Variants in MAPT observed in about 807,000 individuals in gnomAD.
MAPT encodes the protein microtubule associated protein tau.
Under a neutral mutation model 67.9 loss-of-function variants are expected in MAPT, and 34 were observed. That is an observed-to-expected ratio of 0.50 (90% CI 0.38 to 0.67). MAPT has a LOEUF of 0.67. MAPT is among the 30% of genes least tolerant of loss of function. The pLI is 0.00. For missense variants in MAPT, 881 were observed against 1,115.2 expected (o/e 0.79, Z 2.99); for synonymous variants, 456 against 464.5 (o/e 0.98, Z 0.23).
chr17:45,933,865 A>C (rs1237102350), intron 1 of MAPT, among the ~76,000 whole-genome samples: 1 of 113,362 alleles, frequency 8.8e-6, no homozygotes. Context: ...TTTTGCTGTT[A>C]CATTTACTTT....
intron 1 of MAPT, among the ~76,000 whole-genome samples, chr17:45,899,631 G>A (rs1260792504): frequency 6.6e-6 from 1 of 152,166 alleles, no homozygotes; most frequent in African/African-American, 2.4e-5. Flanking sequence ...ACCCAGATAT[G>A]ATCTATAACA....
intron 1 of MAPT, among the ~76,000 whole-genome samples, chr17:45,926,014 C>T (rs1480802804): frequency 6.6e-6 from 1 of 151,958 alleles, no homozygotes; most frequent in African/African-American, 2.4e-5. Flanking sequence ...AGTTCGAGAC[C>T]AGCCTGGCCA....
At chr17:45,909,586 A>G (rs1876675273) in intron 1 of MAPT, among the ~76,000 whole-genome samples, 1 of 152,004 alleles carries the variant, frequency 6.6e-6, no homozygotes, top group African/African-American at 2.4e-5. Flanking sequence ...AATACAAATA[A>G]TTAGGCTGGG....
chr17:45,935,964 A>G (rs2067282543), intron 1 of MAPT, among the ~76,000 whole-genome samples: 1 of 151,880 alleles, frequency 6.6e-6, no homozygotes, highest in Non-Finnish European at 1.5e-5. Flanking sequence ...CTCTCTTCTT[A>G]CCCATGGCCT....
At chr17:45,931,292 A>G (rs993802781) in intron 1 of MAPT, among the ~76,000 whole-genome samples, 2 of 152,226 alleles carry the variant, frequency 1.3e-5, no homozygotes, top group African/African-American at 4.8e-5. Context: ...ATAATCGTGT[A>G]ATGAAATGAC....
rs571374475 is a variant in MAPT at position 45,995,009 on chromosome 17, T to C, written c.1733-1390T>C. On this transcript the variant is annotated intron_variant, in intron 8 of 12. Transcript: ENST00000262410. The surrounding 1 kb of genome is among the most constrained non-coding windows in gnomAD (Gnocchi z 4.3). ...GTTGCAGTGAGCCGAGATCACGCCATTGCACTCCAGCCTGGGCATCAGAAT... is the reference window on the plus strand; with the variant it reads ...GTTGCAGTGAGCCGAGATCACGCCACTGCACTCCAGCCTGGGCATCAGAAT... Among the ~76,000 whole-genome samples, 54 of 152,056 alleles carry C rather than the reference T, an allele frequency of 3.6e-4. No homozygotes were observed. Among genetic ancestry groups the C allele is most frequent in the African/African-American group, 1.2e-3 (48 of 41,482 alleles).
At position 45,982,039 on chromosome 17, in the gene MAPT, AAAG is replaced by A. The variant is rs767790005; in HGVS notation, c.287-824_287-822del. Among the ~76,000 whole-genome samples the A allele has an allele frequency of 9.4e-3, 1,408 of 149,734 alleles. 32 individuals are homozygous for A. Among genetic ancestry groups the A allele is most frequent in the Non-Finnish European group, 0.017 (1,124 of 67,386 alleles). The stretch of plus-strand genomic sequence containing the variant: ...GTCTCAAAAAAAAAAAAAAAGAAAG[AAAG>A]AAAGGAAAAAAAAAACTCATGCCTG... On this transcript the variant is annotated intron_variant, in intron 4 of 12. Transcript: ENST00000262410.
At position 46,024,351 on chromosome 17, in the gene MAPT, G is replaced by C; in HGVS notation, c.*180G>C. 1.6e-6 allele frequency: 1 copy of C among 644,370 alleles called. No individual in the cohort carries two copies. The highest frequency in any genetic ancestry group is 2.7e-5 in the East Asian group (1 of 36,562). The allele number at this position is 644,370 out of a possible 1,614,324, so 39.9% of individuals were successfully genotyped here. A position where few individuals can be genotyped will look rare whatever the true frequency, so the allele number is the denominator to read the frequency against. ...TTTGGCTCGGGACTTCAAAATCAGT[G>C]ATGGGAGTAAGAGCAAATTTCATCT... On this transcript the variant is annotated 3_prime_UTR_variant, in exon 13 of 13. Transcript: ENST00000262410.
intron 1 of MAPT, among the ~76,000 whole-genome samples, chr17:45,925,777 A>G (rs2066226094): frequency 1.3e-5 from 2 of 152,364 alleles, no homozygotes; most frequent in Non-Finnish European, 2.9e-5. Context: ...AAAATGTACA[A>G]ACATATTCAT....
chr17:45,972,502 T>C (rs778512829), intron 3 of MAPT, among the ~76,000 whole-genome samples: 1 of 152,224 alleles, frequency 6.6e-6, no homozygotes, highest in African/African-American at 2.4e-5. Context: ...ATTTTGACCA[T>C]CTTCTCTTGC....
intron 1 of MAPT, among the ~76,000 whole-genome samples, chr17:45,944,948 C>T (rs2068334230): frequency 6.6e-6 from 1 of 152,220 alleles, no homozygotes; most frequent in East Asian, 1.9e-4. Context: ...AGCAAATCAC[C>T]TCTCGCCAGA....
intron 12 of MAPT, 106 bp from the exon 13 acceptor site, chr17:46,023,849 AC>A: frequency 2.2e-6 from 2 of 928,874 alleles, no homozygotes; most frequent in Non-Finnish European, 3.5e-6. Context: ...TCAAAAACAA[AC>A]AAAAAACAGT....
intron 3 of MAPT, chr17:45,973,824 G>A (rs2071996019): frequency 6.4e-6 from 1 of 155,516 alleles, no homozygotes; most frequent in South Asian, 2.0e-4. Flanking sequence ...CCTATTTATT[G>A]CCATGCAAGG....
chr17:46,003,755 G>A (rs565932221), intron 9 of MAPT, among the ~76,000 whole-genome samples: 251 of 152,248 alleles, frequency 1.6e-3, no homozygotes, highest in Non-Finnish European at 2.7e-3. Flanking sequence ...CACAGTAAGT[G>A]GGGGGCAGAG....
At chr17:45,901,871 A>G (rs1477661792) in intron 1 of MAPT, among the ~76,000 whole-genome samples, 1 of 149,840 alleles carries the variant, frequency 6.7e-6, no homozygotes, top group Non-Finnish European at 1.5e-5. Flanking sequence ...TTTTGGGTTT[A>G]CATTGTGGAG....
rs2063335064 is a variant in MAPT, at chr17:45,897,487, A to G, written c.-18+2801A>G. On this transcript the variant is annotated intron_variant, in intron 1 of 12. Coordinates refer to ENST00000262410, the MANE Select transcript of MAPT (RefSeq NM_001377265.1). The surrounding 1 kb of genome is among the most constrained non-coding windows in gnomAD (Gnocchi z 5.0). ...GGGACGGTCCTTCGTAGGAAACTCTATCCTGGCTCTGCGCGCGCTTTAAGG... is the reference window on the plus strand; with the variant it reads ...GGGACGGTCCTTCGTAGGAAACTCTGTCCTGGCTCTGCGCGCGCTTTAAGG... 6.6e-6 allele frequency: 1 copy of G among 152,178 alleles called. No homozygotes were observed. The highest frequency in any genetic ancestry group is 1.5e-5 in the Non-Finnish European group (1 of 68,048). The allele number at this position is 152,178 out of a possible 1,614,324, so 9.4% of individuals were successfully genotyped here.
At chr17:45,927,533 C>G (rs1222391568) in intron 1 of MAPT, among the ~76,000 whole-genome samples, 1 of 152,194 alleles carries the variant, frequency 6.6e-6, no homozygotes. Context: ...GATCCCATAT[C>G]TCCACCTCTC....
At chr17:45,961,762 G>A (rs2070436062) in intron 1 of MAPT, among the ~76,000 whole-genome samples, 2 of 149,620 alleles carry the variant, frequency 1.3e-5, no homozygotes, top group African/African-American at 4.9e-5. Flanking sequence ...CACCTGGTGG[G>A]TTTATTTGTT....
intron 6 of MAPT, among the ~76,000 whole-genome samples, chr17:45,987,600 C>T (rs1490841512): frequency 6.6e-6 from 1 of 152,218 alleles, no homozygotes; most frequent in Non-Finnish European, 1.5e-5. Context: ...GAAAATCCCA[C>T]CATGGCTCTA....
Sources: gnomAD v4.1 joint callset for allele counts (sites outside exome capture counted in the v4.1 genomes callset) on GRCh38, gnomAD v4.1.1 for gene constraint, Gnocchi (gnomAD v3.1) non-coding constraint, MANE v1.5 for transcripts, NCBI Gene and HGNC (gene_info 2026-07-23, HGNC 2026-07-21) for gene names.